PAX5: variants seen among roughly 807,000 people sequenced by gnomAD.
PAX5 encodes paired box protein Pax-5.
PAX5 carries 9 observed loss-of-function variants against 43.7 expected under a neutral mutation model. That is an observed-to-expected ratio of 0.21 (90% CI 0.12 to 0.36). PAX5 has a LOEUF of 0.36. PAX5 is among the 10% of genes least tolerant of loss of function. PAX5 has a pLI of 1.00. For synonymous variants in PAX5, 228 were observed against 214.3 expected (o/e 1.06, Z -0.56); for missense variants, 383 against 532.7 (o/e 0.72, Z 2.77).
At chr9:36,884,438 T>A (rs1482653070) in intron 7 of PAX5, among the ~76,000 whole-genome samples, 2 of 152,230 alleles carry the variant, frequency 1.3e-5, no homozygotes, top group Non-Finnish European at 2.9e-5. Flanking sequence ...AATTCAATAT[T>A]AATTCCTTAT....
intron 9 of PAX5, among the ~76,000 whole-genome samples, chr9:36,843,770 C>A (rs1822305115): frequency 1.3e-5 from 2 of 152,164 alleles, no homozygotes; most frequent in Admixed American, 1.3e-4. Context: ...AGAAGGTAGC[C>A]CCTTGAAGCA....
intron 7 of PAX5, among the ~76,000 whole-genome samples, chr9:36,910,437 T>C (rs756037610): frequency 1.3e-5 from 2 of 152,258 alleles, no homozygotes; most frequent in Non-Finnish European, 2.9e-5. Context: ...CTATTCTGTA[T>C]ATAACAAGGT....
intron 8 of PAX5, among the ~76,000 whole-genome samples, chr9:36,875,564 A>C (rs148940941): frequency 3.9e-5 from 6 of 152,268 alleles, no homozygotes; most frequent in East Asian, 1.9e-4. Flanking sequence ...AAAAATGTCC[A>C]TATCATAAGC....
In PAX5 at chr9:37,015,042, C is replaced by T. The variant is rs185643174; in HGVS notation, c.365G>A (p.Arg122Gln). The T allele has an allele frequency of 9.9e-6, 16 of 1,614,200 alleles. No individual in the cohort carries two copies. Among genetic ancestry groups the T allele is most frequent in the East Asian group, 6.7e-5 (3 of 44,888 alleles). ...AGGCACGGTGTCATTGTCACACACC[C>T]GCTCTGCCAGCAGCCGGTCCCTGAT... ...WEIRDRLLAE[R>Q]VCDNDTVPSV... is the part of the protein sequence containing the mutation. The change falls in exon 3 of 10, where the codon CGG becomes CAG. Residue 122 changes from arginine to glutamine, a missense_variant. Arg to Gln is a conservative substitution (Grantham distance 43). This residue lies in a region of PAX5 where 33 missense variants were observed against 70.6 expected (regional missense o/e 0.47). Transcript: ENST00000358127. The surrounding 1 kb of genome is among the most constrained non-coding windows in gnomAD (Gnocchi z 4.4).
intron 6 of PAX5, among the ~76,000 whole-genome samples, chr9:36,952,939 T>C (rs1239484583): frequency 6.6e-6 from 1 of 152,240 alleles, no homozygotes; most frequent in Non-Finnish European, 1.5e-5. Context: ...TCCAACTCCC[T>C]TCTTTCCCTT....
intron 6 of PAX5, among the ~76,000 whole-genome samples, chr9:36,936,280 A>C (rs1224025299): frequency 6.6e-6 from 1 of 152,180 alleles, no homozygotes; most frequent in Non-Finnish European, 1.5e-5. Context: ...CCTGTGGGGA[A>C]GGGGGATGGG....
intron 7 of PAX5, among the ~76,000 whole-genome samples, chr9:36,888,895 G>T (rs1332154222): frequency 6.6e-6 from 1 of 152,232 alleles, no homozygotes; most frequent in Non-Finnish European, 1.5e-5. Flanking sequence ...GCAGGGAGGG[G>T]TGGAGTTTGG....
intron 8 of PAX5, among the ~76,000 whole-genome samples, chr9:36,862,087 C>T (rs1289900061): frequency 6.6e-6 from 1 of 152,144 alleles, no homozygotes; most frequent in Admixed American, 6.5e-5. Flanking sequence ...TGTGTGGAGG[C>T]AGCTGGTAGA....
intron 8 of PAX5, among the ~76,000 whole-genome samples, chr9:36,850,780 C>A (rs777831580): frequency 1.1e-4 from 17 of 152,198 alleles, no homozygotes; most frequent in Admixed American, 7.2e-4. Context: ...TGGTTCCTGG[C>A]GCTCTCTGGA....
At chr9:36,914,817 G>A (rs1394344701) in intron 7 of PAX5, among the ~76,000 whole-genome samples, 1 of 152,248 alleles carries the variant, frequency 6.6e-6, no homozygotes, top group East Asian at 1.9e-4. Flanking sequence ...TCACATACAA[G>A]CATCTGATGT....
intron 1 of PAX5, among the ~76,000 whole-genome samples, chr9:37,032,962 G>C (rs1298398152): frequency 6.6e-6 from 1 of 152,250 alleles, no homozygotes; most frequent in African/African-American, 2.4e-5. Context: ...CTCCTCCACT[G>C]GTGCGGCACC....
chr9:36,993,246 T>C (rs2132338058), intron 5 of PAX5, among the ~76,000 whole-genome samples: 1 of 152,332 alleles, frequency 6.6e-6, no homozygotes, highest in South Asian at 2.1e-4. Context: ...GAAGATTCGG[T>C]TCTTTCTTAT....
chr9:37,009,015 T>A (rs1838707832), intron 3 of PAX5, among the ~76,000 whole-genome samples: 1 of 152,232 alleles, frequency 6.6e-6, no homozygotes, highest in Non-Finnish European at 1.5e-5. Flanking sequence ...ATACCAGACA[T>A]AAATATAGTT....
rs147624767 is a variant in PAX5 at position 36,919,572 on chromosome 9, G to A, written c.910+3783C>T. 2.1e-3 allele frequency among the ~76,000 whole-genome samples: 324 copies of A among 152,178 alleles called. 2 individuals are homozygous for A. The highest frequency in any genetic ancestry group is 7.5e-3 in the African/African-American group (311 of 41,522). On this transcript the variant is annotated intron_variant, in intron 7 of 9. Coordinates refer to ENST00000358127, the MANE Select transcript of PAX5 (RefSeq NM_016734.3). ...GAACATTCACAATTTGGCTGGGCAC[G>A]GTGGCTCACGCCTGTAATCCCAGCA...
chr9:36,946,443 G>T (rs1301415054), intron 6 of PAX5, among the ~76,000 whole-genome samples: 1 of 152,258 alleles, frequency 6.6e-6, no homozygotes, highest in Admixed American at 6.5e-5. Flanking sequence ...CCCACAACCA[G>T]CCAAAACCTG....
At chr9:36,927,253 C>T (rs572630090) in intron 6 of PAX5, among the ~76,000 whole-genome samples, 4 of 152,286 alleles carry the variant, frequency 2.6e-5, no homozygotes, top group African/African-American at 9.6e-5. Flanking sequence ...GGGCCTGGCA[C>T]ATTCCTAGAC....
At chr9:37,012,503 A>G (rs1264738186) in intron 3 of PAX5, among the ~76,000 whole-genome samples, 1 of 152,182 alleles carries the variant, frequency 6.6e-6, no homozygotes, top group Non-Finnish European at 1.5e-5. Context: ...GACACTCAGG[A>G]CGCCCCTGAG....
At chr9:36,915,214 T>C (rs901325693) in intron 7 of PAX5, among the ~76,000 whole-genome samples, 2 of 152,170 alleles carry the variant, frequency 1.3e-5, no homozygotes, top group African/African-American at 4.8e-5. Flanking sequence ...AGTAAACATG[T>C]GCGTTTAAAA....
intron 7 of PAX5, among the ~76,000 whole-genome samples, chr9:36,890,225 G>A (rs1827261910): frequency 6.6e-6 from 1 of 152,056 alleles, no homozygotes; most frequent in African/African-American, 2.4e-5. Flanking sequence ...AAAGAAGGAA[G>A]CAAGCCATCG....
Sources: gnomAD v4.1 joint callset for allele counts (sites outside exome capture counted in the v4.1 genomes callset) on GRCh38, gnomAD v4.1.1 for gene constraint, gnomAD v4.1.1 regional missense constraint, Gnocchi (gnomAD v3.1) non-coding constraint, MANE v1.5 for transcripts, NCBI Gene and HGNC (gene_info 2026-07-23, HGNC 2026-07-21) for gene names.